Variants in CAMTA1 observed in about 807,000 individuals in gnomAD.
The protein encoded by CAMTA1 is calmodulin binding transcription activator 1.
Under a neutral mutation model 170.9 loss-of-function variants are expected in CAMTA1, and 27 were observed. The observed-to-expected ratio is 0.16, with a 90% CI of 0.12 to 0.22. The LOEUF is 0.22. Ranked by LOEUF, CAMTA1 falls within the 10% of genes least tolerant of loss-of-function variation. The pLI is 1.00. For synonymous variants in CAMTA1, 833 were observed against 891.5 expected (o/e 0.93, Z 1.17); for missense variants, 1,619 against 2,217.2 (o/e 0.73, Z 5.42).
intron 7 of CAMTA1, among the ~76,000 whole-genome samples, chr1:7,652,512 C>CTG (rs1014185525): frequency 2.6e-5 from 4 of 152,184 alleles, no homozygotes; most frequent in African/African-American, 9.7e-5. Context: ...CCCACTAAGG[C>CTG]CCCAGCCAGC....
Position 7,738,329 on chromosome 1 carries a change from T to G in CAMTA1, c.4029T>G (p.Ser1343Arg). ...TGACTGGAAATCCGAAGGGGACCAGTGTAGGAAAGGAGGCAGCACCTTCAC... is the reference window on the plus strand; with the variant it reads ...TGACTGGAAATCCGAAGGGGACCAGGGTAGGAAAGGAGGCAGCACCTTCAC... ...VQVTGNPKGT[S>R]VGKEAAPSQV... is the part of the protein sequence containing the mutation. The change falls in exon 16 of 23, where the codon AGT (serine) becomes AGG (arginine). Residue 1343 changes from serine (S) to arginine (R), a missense_variant. Around this residue, in one of 8 missense-constraint regions of CAMTA1, gnomAD observed 370 missense variants for 429.4 expected, o/e 0.86. Transcript: ENST00000303635. This position sits in a 1 kb window ranked among gnomAD's most constrained non-coding sequence, Gnocchi z 4.9. 1 of 1,614,124 alleles carries G rather than the reference T, an allele frequency of 6.2e-7. No individual in the cohort carries two copies. The highest frequency in any genetic ancestry group is 8.5e-7 in the Non-Finnish European group (1 of 1,180,022).
chr1:7,588,303 G>T lies in CAMTA1; in HGVS notation c.511-52097G>T, dbSNP rs2095327832. Among the ~76,000 whole-genome samples the T allele has an allele frequency of 6.6e-6, 1 of 151,052 alleles. No homozygotes were observed. Among genetic ancestry groups the T allele is most frequent in the South Asian group, 2.1e-4 (1 of 4,834 alleles). ...TGGTGTGGCCCTGCTGGGGACCCCG[G>T]GTCTGTCAGGTCTGGTGAGAGGTGG... On this transcript the variant is annotated intron_variant, in intron 6 of 22. Transcript: ENST00000303635. The surrounding 1 kb of genome is among the most constrained non-coding windows in gnomAD (Gnocchi z 5.8).
At position 7,663,892 on chromosome 1, in the gene CAMTA1, A is replaced by G. The variant is rs1168234093; in HGVS notation, c.1345A>G (p.Ser449Gly). 6.2e-7 allele frequency: 1 copy of G among 1,613,828 alleles called. No individual in the cohort carries two copies. Among genetic ancestry groups the G allele is most frequent in the Non-Finnish European group, 8.5e-7 (1 of 1,180,040 alleles). The change falls in exon 9 of 23, where the codon AGC becomes GGC. Residue 449 changes from serine to glycine, a missense_variant. Physicochemically the swap from Ser to Gly is moderately conservative, Grantham distance 56. This residue lies in a region of CAMTA1 where 731 missense variants were observed against 907.6 expected (regional missense o/e 0.81). Transcript: ENST00000303635. ...GHKFAFPTTG[S>G]SESLSMLPTN... ...CAAGTTCGCCTTTCCCACCACGGGC[A>G]GCTCGGAGAGCCTGTCCATGCTGCC...
chr1:6,973,898 G>A (rs1692969867), intron 3 of CAMTA1, among the ~76,000 whole-genome samples: 2 of 152,220 alleles, frequency 1.3e-5, no homozygotes, highest in African/African-American at 2.4e-5. Flanking sequence ...CACAGCCGGG[G>A]AAGGGGCTTT....
chr1:7,481,266 T>C lies in CAMTA1; in HGVS notation c.510+13365T>C, dbSNP rs1044322318. On this transcript the variant is annotated intron_variant, in intron 6 of 22. Transcript: ENST00000303635. ...GCAGTTCAAGAAGTCTCCACGGCAC[T>C]TAATGTCCAAAACCTTACCGTGACC... Among the ~76,000 whole-genome samples the C allele has an allele frequency of 4.6e-5, 7 of 152,204 alleles. No homozygotes were observed. The East Asian group carries it at 1.3e-3, about 29-fold the overall frequency.
intron 6 of CAMTA1, among the ~76,000 whole-genome samples, chr1:7,507,191 C>T (rs930249939): frequency 2.6e-5 from 4 of 152,010 alleles, no homozygotes; most frequent in Admixed American, 2.6e-4. Context: ...ACATACATAA[C>T]ACCCTCACAG....
intron 5 of CAMTA1, among the ~76,000 whole-genome samples, chr1:7,414,587 G>A (rs1234326606): frequency 1.3e-5 from 2 of 152,144 alleles, no homozygotes; most frequent in African/African-American, 4.8e-5. Flanking sequence ...TTGTATTTCT[G>A]TGGGATCGGT....
chr1:6,929,752 C>T lies in CAMTA1; in HGVS notation c.234+104542C>T, dbSNP rs367892243. ...GACCTCGTGATCTGCCTGCCTCGGC[C>T]TCCCAAAGTGTTGGGATTACCGGCG... is the stretch of plus-strand genomic sequence containing the variant. On this transcript the variant is annotated intron_variant, in intron 3 of 22. Coordinates refer to ENST00000303635, the MANE Select transcript of CAMTA1 (RefSeq NM_015215.4). Among the ~76,000 whole-genome samples the T allele has an allele frequency of 1.4e-4, 22 of 151,964 alleles. No homozygotes were observed. In the East Asian group the frequency reaches 3.5e-3, roughly 24 times the overall value.
chr1:6,977,483 C>T (rs532837504), intron 3 of CAMTA1, among the ~76,000 whole-genome samples: 1 of 152,190 alleles, frequency 6.6e-6, no homozygotes, highest in South Asian at 2.1e-4. Context: ...TGGGACTACA[C>T]GTGCGTGCCA....
intron 5 of CAMTA1, among the ~76,000 whole-genome samples, chr1:7,326,395 C>G (rs915237819): frequency 6.6e-6 from 1 of 152,190 alleles, no homozygotes; most frequent in Admixed American, 6.5e-5. Context: ...ATTCTGTCCC[C>G]CTCAAAAGAC....
chr1:7,598,653 T>C (rs1420167384), intron 6 of CAMTA1, among the ~76,000 whole-genome samples: 2 of 152,248 alleles, frequency 1.3e-5, no homozygotes, highest in African/African-American at 2.4e-5. Context: ...TGGTATCTCA[T>C]TGTGGTTTTG....
intron 4 of CAMTA1, among the ~76,000 whole-genome samples, chr1:7,121,527 A>G (rs1644641071): frequency 1.3e-5 from 2 of 152,226 alleles, no homozygotes; most frequent in African/African-American, 4.8e-5. Context: ...GGTGAAGTGC[A>G]TGGAGGCACA....
intron 5 of CAMTA1, among the ~76,000 whole-genome samples, chr1:7,395,884 T>C (rs570581448): frequency 8.5e-5 from 13 of 152,318 alleles, no homozygotes; most frequent in Admixed American, 3.3e-4. Context: ...AATTCACTAT[T>C]GGCATATAAA....
intron 22 of CAMTA1, among the ~76,000 whole-genome samples, chr1:7,764,472 T>C (rs767200450): frequency 6.6e-6 from 1 of 152,262 alleles, no homozygotes; most frequent in Admixed American, 6.5e-5. Flanking sequence ...AAAGAGAGCA[T>C]CTTCTCTATG....
chr1:7,695,447 G>A (rs1432654505), intron 11 of CAMTA1, among the ~76,000 whole-genome samples: 5 of 152,320 alleles, frequency 3.3e-5, no homozygotes, highest in Middle Eastern at 3.4e-3. Context: ...TTGGTGAAAC[G>A]CCCTGGCATT....
intron 3 of CAMTA1, among the ~76,000 whole-genome samples, chr1:7,074,030 A>G (rs1638984644): frequency 6.6e-6 from 1 of 152,210 alleles, no homozygotes; most frequent in Admixed American, 6.5e-5. Context: ...GTTTGCTGGT[A>G]CTGACTGCTG....
rs754408850 is a variant in CAMTA1, at chr1:6,965,594, G to C, written c.235-125710G>C. Among the ~76,000 whole-genome samples, 6 of 151,604 alleles carry C rather than the reference G, an allele frequency of 4.0e-5. No individual in the cohort carries two copies. The highest frequency in any genetic ancestry group is 7.4e-5 in the Non-Finnish European group (5 of 67,886). On this transcript the variant is annotated intron_variant, in intron 3 of 22. Transcript: ENST00000303635. The surrounding 1 kb of genome is among the most constrained non-coding windows in gnomAD (Gnocchi z 4.1). ...ATTGTGTGCCCTGGTTTCTCTAAAG[G>C]AAAAAAAATGGACGTGCCGCCTGTT...
rs1009344375 is a variant in CAMTA1, at chr1:7,065,482, G to A, written c.235-25822G>A. Among the ~76,000 whole-genome samples, 1 of 152,182 alleles carries A rather than the reference G, an allele frequency of 6.6e-6. No homozygotes were observed. The highest frequency in any genetic ancestry group is 1.9e-4 in the East Asian group (1 of 5,196). ...AGAGGGCTGGAGGAAGAAAGGAAGA[G>A]AAACTAATTTTGACTGGGCAACTAT... On this transcript the variant is annotated intron_variant, in intron 3 of 22. Coordinates refer to ENST00000303635, the MANE Select transcript of CAMTA1 (RefSeq NM_015215.4). The surrounding 1 kb of genome is among the most constrained non-coding windows in gnomAD (Gnocchi z 5.2).
chr1:7,457,689 C>G (rs141981580), intron 5 of CAMTA1, among the ~76,000 whole-genome samples: 28 of 152,322 alleles, frequency 1.8e-4, no homozygotes, highest in African/African-American at 6.5e-4. Flanking sequence ...GCTGGGGGAG[C>G]CTCCAGCTTG....
Sources: gnomAD v4.1 joint callset for allele counts (sites outside exome capture counted in the v4.1 genomes callset) on GRCh38, gnomAD v4.1.1 for gene constraint, gnomAD v4.1.1 regional missense constraint, Gnocchi (gnomAD v3.1) non-coding constraint, MANE v1.5 for transcripts, NCBI Gene and HGNC (gene_info 2026-07-23, HGNC 2026-07-21) for gene names.